The following CRHBP variants were observed in gnomAD, a reference collection of about 807,000 sequenced individuals.
The protein encoded by CRHBP is corticotropin-releasing hormone-binding protein.
A neutral mutation model predicts 34.9 loss-of-function variants in CRHBP; 19 were observed. That is an observed-to-expected ratio of 0.55 (90% CI 0.38 to 0.80). The LOEUF is 0.80. CRHBP is among the 30% of genes least tolerant of loss of function. The probability of loss-of-function intolerance (pLI) is 0.00; values close to 1 mark genes in which losing one functional copy is unlikely to be tolerated. For missense variants in CRHBP, 328 were observed against 409.2 expected, an observed-to-expected ratio of 0.80 and a Z score of 1.71; for synonymous variants, 154 against 153.4, an observed-to-expected ratio of 1.00 and a Z score of -0.03.
chr5:76,963,503 TA>T (rs750560365), intron 6 of CRHBP, 43 bp downstream of exon 6: 1,579 of 1,417,784 alleles, frequency 1.1e-3, no homozygotes, highest in Admixed American at 1.5e-3. Flanking sequence ...CTATCAAGAT[TA>T]AAAAAAAATA....
At chr5:76,969,696 T>G (rs936049498), downstream of CRHBP, among the ~76,000 whole-genome samples, 1 of 152,210 alleles carries the variant, frequency 6.6e-6, no homozygotes, top group East Asian at 1.9e-4. Flanking sequence ...GTGCAGAGAT[T>G]CATTTTCCGC....
At chr5:76,979,468 A>C (rs535294027) in intron 3 of CRHBP, among the ~76,000 whole-genome samples, 1 of 152,230 alleles carries the variant, frequency 6.6e-6, no homozygotes, top group East Asian at 1.9e-4. Flanking sequence ...CTCCTGCCTC[A>C]GCCTCCCGAG....
intron 3 of CRHBP, among the ~76,000 whole-genome samples, chr5:76,980,203 C>T (rs1331726132): frequency 1.4e-5 from 2 of 138,102 alleles, no homozygotes; most frequent in Non-Finnish European, 3.0e-5. Flanking sequence ...TGCAGTGAGC[C>T]GAGATCGCGC....
chr5:76,965,995 C>G (rs138058377), intron 6 of CRHBP, among the ~76,000 whole-genome samples: 2 of 152,264 alleles, frequency 1.3e-5, no homozygotes, highest in Admixed American at 6.5e-5. Context: ...GGCCCGGTTA[C>G]AAAAGTTTTC....
chr5:76,973,399 G>A (rs925673493), downstream of CRHBP, among the ~76,000 whole-genome samples: 16 of 152,136 alleles, frequency 1.1e-4, no homozygotes, highest in Non-Finnish European at 2.1e-4. Context: ...AATCTGACAG[G>A]AGCTAGAAAT....
At chr5:76,972,876 G>C (rs539532930), downstream of CRHBP, among the ~76,000 whole-genome samples, 94 of 152,282 alleles carry the variant, frequency 6.2e-4, 1 homozygote, top group South Asian at 0.019. Context: ...TTGGTCACGT[G>C]ACTGAATTAT....
intron 3 of CRHBP, among the ~76,000 whole-genome samples, chr5:76,977,647 C>A (rs1746059556): frequency 6.6e-6 from 1 of 152,158 alleles, no homozygotes; most frequent in South Asian, 2.1e-4. Flanking sequence ...TTTCTCTTGC[C>A]TCGGGCCTCC....
At chr5:76,976,689 A>C (rs1277326431) in intron 3 of CRHBP, among the ~76,000 whole-genome samples, 3 of 152,198 alleles carry the variant, frequency 2.0e-5, no homozygotes, top group Non-Finnish European at 4.4e-5. Context: ...CACTATAACT[A>C]TGAGTGTTCC....
downstream of CRHBP, among the ~76,000 whole-genome samples, chr5:76,973,884 A>G (rs1038770724): frequency 2.0e-5 from 3 of 151,836 alleles, no homozygotes; most frequent in African/African-American, 4.8e-5. Context: ...GCTCACTGCA[A>G]TCTCTGCCTC....
At chr5:76,975,936 GTATATATA>G (rs10598432) in intron 2 of CRHBP, among the ~76,000 whole-genome samples, 1 of 135,280 alleles carries the variant, frequency 7.4e-6, no homozygotes, top group Non-Finnish European at 1.5e-5. Flanking sequence ...ATGTGTGTGT[GTATATATA>G]TATATATATG....
Position 76,964,991 on chromosome 5 carries a change from T to TA in CRHBP, c.811+1540dup, listed in dbSNP as rs927513951. Among the ~76,000 whole-genome samples the TA allele has an allele frequency of 9.4e-5, 13 of 138,186 alleles. No individual in the cohort carries two copies. In the East Asian group the frequency reaches 1.5e-3, roughly 16 times the overall value. 90.7% of individuals were successfully genotyped at this position (138,186 alleles called of 152,430 possible). A position where few individuals can be genotyped will look rare whatever the true frequency, so the allele number is the denominator to read the frequency against. On this transcript the variant is annotated intron_variant, in intron 6 of 6. Coordinates refer to ENST00000274368, the MANE Select transcript of CRHBP (RefSeq NM_001882.4). ...CATGGCAAGACCACACCCCATAAAA[T>TA]AAAAAAAAAGAAAAGAATCAGGTAA...
At chr5:76,956,538 G>A (rs556218813) in intron 4 of CRHBP, among the ~76,000 whole-genome samples, 85 of 152,226 alleles carry the variant, frequency 5.6e-4, no homozygotes, top group African/African-American at 2.0e-3. Flanking sequence ...GATCCAGACC[G>A]TCCTGGCTAA....
intron 3 of CRHBP, among the ~76,000 whole-genome samples, chr5:76,980,176 A>G (rs1580102655): frequency 6.9e-6 from 1 of 145,606 alleles, no homozygotes; most frequent in Admixed American, 7.2e-5. Context: ...AATGGCGTGA[A>G]CCCGGGAGGC....
At chr5:76,962,477 C>G (rs1321302192) in intron 5 of CRHBP, among the ~76,000 whole-genome samples, 1 of 151,476 alleles carries the variant, frequency 6.6e-6, no homozygotes, top group Non-Finnish European at 1.5e-5. Flanking sequence ...ATGGACAAGA[C>G]AGTGTGGAAA....
In CRHBP at chr5:76,955,671, C is replaced by T; in HGVS notation, c.352C>T (p.Leu118Phe). 6.2e-7 allele frequency: 1 copy of T among 1,614,002 alleles called. No individual in the cohort carries two copies. The highest frequency in any genetic ancestry group is 1.1e-5 in the South Asian group (1 of 91,068). ...TTCAAAGGTATTTGATGGTTGGATT[C>T]TCAAGGGGGAGAAGTTCCCCAGTTC... ...DFLKVFDGWI[L>F]KGEKFPSSQD... The change falls in exon 4 of 7, where the codon CTC becomes TTC. Residue 118 changes from leucine (L) to phenylalanine (F), a missense_variant. Physicochemically the swap from Leu to Phe is conservative, Grantham distance 22 (BLOSUM62 0). Transcript: ENST00000274368.
intron 6 of CRHBP, among the ~76,000 whole-genome samples, chr5:76,966,942 T>C (rs188886558): frequency 1.3e-5 from 2 of 152,228 alleles, no homozygotes; most frequent in Non-Finnish European, 2.9e-5. Flanking sequence ...CTCCAAACTG[T>C]TTAATGAAAA....
downstream of CRHBP, among the ~76,000 whole-genome samples, chr5:76,971,903 T>C (rs936330225): frequency 2.0e-5 from 3 of 152,222 alleles, no homozygotes; most frequent in African/African-American, 7.2e-5. Flanking sequence ...TCTTTCTGAA[T>C]ACCAATTAGG....
chr5:76,955,580 C>G, intron 3 of CRHBP, 73 bp from the exon 4 acceptor site: 1 of 1,406,228 alleles, frequency 7.1e-7, no homozygotes, highest in Non-Finnish European at 9.8e-7. Context: ...TGACTTTCCC[C>G]CCCTTTTCAA....
At chr5:76,964,338 C>A (rs1350168302) in intron 6 of CRHBP, among the ~76,000 whole-genome samples, 3 of 152,222 alleles carry the variant, frequency 2.0e-5, no homozygotes, top group African/African-American at 7.2e-5. Flanking sequence ...TCCTTCCTCT[C>A]CTGTCACTGC....
Sources: gnomAD v4.1 joint callset for allele counts (sites outside exome capture counted in the v4.1 genomes callset) on GRCh38, gnomAD v4.1.1 for gene constraint, MANE v1.5 for transcripts, NCBI Gene and HGNC (gene_info 2026-07-23, HGNC 2026-07-21) for gene names.